The following RASSF8 variants were observed in gnomAD, a reference collection of about 807,000 sequenced individuals.
RASSF8 encodes Ras association domain family member 8.
A neutral mutation model predicts 48.5 loss-of-function variants in RASSF8; 22 were observed. That is an observed-to-expected ratio of 0.45 (90% CI 0.32 to 0.65). RASSF8 has a LOEUF of 0.65. Ranked by LOEUF, RASSF8 falls within the 30% of genes least tolerant of loss-of-function variation. The pLI, the probability that RASSF8 is intolerant of heterozygous loss-of-function variation, is 0.03. For synonymous variants in RASSF8, 127 were observed against 171.5 expected (o/e 0.74, Z 2.03); for missense variants, 418 against 489.2 (o/e 0.85, Z 1.37).
At chr12:26,043,047 A>G (rs1434084326) in intron 2 of RASSF8, among the ~76,000 whole-genome samples, 4 of 152,098 alleles carry the variant, frequency 2.6e-5, no homozygotes, top group Admixed American at 1.3e-4. Context: ...ATTAGTGCCT[A>G]TATTATTCGA....
At chr12:26,056,583 T>C (rs1033137796) in intron 3 of RASSF8, among the ~76,000 whole-genome samples, 2 of 152,248 alleles carry the variant, frequency 1.3e-5, no homozygotes, top group African/African-American at 4.8e-5. Context: ...CAAGGCACTT[T>C]AGCATTTGGT....
chr12:25,962,021 A>G (rs1041191045), intron 1 of RASSF8, among the ~76,000 whole-genome samples: 4 of 151,464 alleles, frequency 2.6e-5, no homozygotes, highest in Admixed American at 6.6e-5. Context: ...CACACTCTGC[A>G]CCCCTTGCAG....
chr12:25,989,390 AC>A (rs1290862354), intron 1 of RASSF8, among the ~76,000 whole-genome samples: 2 of 149,388 alleles, frequency 1.3e-5, no homozygotes, highest in Non-Finnish European at 3.0e-5. Flanking sequence ...CTTTCCCCCC[AC>A]CCCCTCTTTC....
chr12:26,025,280 A>G (rs1201504912), intron 2 of RASSF8, among the ~76,000 whole-genome samples: 1 of 151,846 alleles, frequency 6.6e-6, no homozygotes, highest in East Asian at 2.0e-4. Flanking sequence ...ATTCAGGGCC[A>G]GGCGTGGTGG....
intron 2 of RASSF8, among the ~76,000 whole-genome samples, chr12:26,036,744 CTAAAAAAATAAAAAA>C (rs1035626767): frequency 5.3e-5 from 8 of 151,644 alleles, no homozygotes; most frequent in South Asian, 2.1e-4. Flanking sequence ...CCTGTCTCTA[CTAAAAAAATAAAAAA>C]TAAAAAAATA....
intron 2 of RASSF8, among the ~76,000 whole-genome samples, chr12:26,006,077 A>C (rs901729312): frequency 1.3e-5 from 2 of 152,146 alleles, no homozygotes; most frequent in Admixed American, 6.5e-5. Flanking sequence ...ACACACACAC[A>C]CCCTGCTTAG....
chr12:26,068,594 A>G (rs1295745638), intron 5 of RASSF8, 103 bp from the exon 6 acceptor site: 9 of 895,098 alleles, frequency 1.0e-5, no homozygotes, highest in Admixed American at 6.6e-5. Context: ...TTATTGCTCT[A>G]TGCAGTTTTC....
chr12:26,017,974 C>T (rs141351178), intron 2 of RASSF8, among the ~76,000 whole-genome samples: 1 of 152,380 alleles, frequency 6.6e-6, no homozygotes, highest in African/African-American at 2.4e-5. Context: ...TTCCCTTTCC[C>T]ATTGGCTATG....
intron 2 of RASSF8, among the ~76,000 whole-genome samples, chr12:26,047,738 G>A (rs1169274901): frequency 6.6e-6 from 1 of 152,232 alleles, no homozygotes; most frequent in Non-Finnish European, 1.5e-5. Context: ...ACCAGCAGGA[G>A]ATCCACCTGC....
chr12:26,039,977 GTAATTAACA>G (rs1943230406), intron 2 of RASSF8, among the ~76,000 whole-genome samples: 1 of 152,074 alleles, frequency 6.6e-6, no homozygotes, highest in African/African-American at 2.4e-5. Context: ...TGGTAATACT[GTAATTAACA>G]TAGAGCTTAT....
chr12:25,972,173 G>A (rs537932239), intron 1 of RASSF8, among the ~76,000 whole-genome samples: 1 of 152,274 alleles, frequency 6.6e-6, no homozygotes, highest in East Asian at 1.9e-4. Flanking sequence ...TGACTTAGGT[G>A]ATACTGAAAT....
intron 1 of RASSF8, among the ~76,000 whole-genome samples, chr12:25,980,123 G>A (rs1941705317): frequency 6.6e-6 from 1 of 152,134 alleles, no homozygotes; most frequent in Non-Finnish European, 1.5e-5. Flanking sequence ...CGACCTCCAT[G>A]GTTAAAAACC....
chr12:26,011,824 GAGA>G (rs748164426), intron 2 of RASSF8: 3 of 152,150 alleles, frequency 2.0e-5, no homozygotes, highest in African/African-American at 4.8e-5. Flanking sequence ...CCAGAAAAGT[GAGA>G]AGAAAATTTG....
At chr12:26,004,487 C>G (rs1393147715) in intron 2 of RASSF8, among the ~76,000 whole-genome samples, 1 of 152,148 alleles carries the variant, frequency 6.6e-6, no homozygotes, top group African/African-American at 2.4e-5. Flanking sequence ...TTGACTACCC[C>G]AGAACTTAAC....
intron 5 of RASSF8, among the ~76,000 whole-genome samples, chr12:26,078,275 A>G (rs1226593868): frequency 6.6e-6 from 1 of 152,224 alleles, no homozygotes; most frequent in Non-Finnish European, 1.5e-5. Context: ...TAAAAGCAGC[A>G]AAGAGGGATA....
chr12:26,004,225 A>G (rs1442544623), intron 2 of RASSF8, among the ~76,000 whole-genome samples: 1 of 152,230 alleles, frequency 6.6e-6, no homozygotes, highest in Non-Finnish European at 1.5e-5. Flanking sequence ...ACAGAATTGA[A>G]TAACAAGGGG....
At position 26,071,305 on chromosome 12, in the gene RASSF8, G is replaced by T. The variant is rs1285691369; in HGVS notation, c.*2487G>T. 1.0e-6 allele frequency: 1 copy of T among 982,042 alleles called. No homozygotes were observed. The highest frequency in any genetic ancestry group is 1.2e-6 in the Non-Finnish European group (1 of 827,132). The allele number at this position is 982,042 out of a possible 1,614,324, so 60.8% of individuals were successfully genotyped here. On this transcript the variant is annotated 3_prime_UTR_variant, in exon 6 of 6. Transcript: ENST00000689635. The stretch of plus-strand genomic sequence containing the variant: ...GCCACATCCTGGATACATTTCGGAG[G>T]GGTAGTGGGCAATGGTATACAAAAA...
chr12:25,959,871 C>G (rs1441288726), intron 1 of RASSF8: 1 of 152,180 alleles, frequency 6.6e-6, no homozygotes, highest in African/African-American at 2.4e-5. Context: ...GTTGCTAAAC[C>G]ACTACTTTCC....
chr12:26,017,175 T>C (rs1942671576), intron 2 of RASSF8, among the ~76,000 whole-genome samples: 1 of 152,182 alleles, frequency 6.6e-6, no homozygotes, highest in Non-Finnish European at 1.5e-5. Context: ...TATTGTTAAT[T>C]ATAAGTAGGA....
Sources: allele counts gnomAD v4.1 joint callset (sites outside exome capture counted in the v4.1 genomes callset), GRCh38; gene constraint gnomAD v4.1.1; transcripts MANE v1.5; gene names NCBI Gene and HGNC (gene_info 2026-07-23, HGNC 2026-07-21).